The following ARHGEF39 variants were observed in gnomAD, a reference collection of about 807,000 sequenced individuals.
The protein encoded by ARHGEF39 is Rho guanine nucleotide exchange factor 39.
A neutral mutation model predicts 47.5 loss-of-function variants in ARHGEF39; 45 were observed. The observed-to-expected ratio is 0.95, with a 90% confidence interval of 0.75 to 1.22. The LOEUF (loss-of-function observed/expected upper bound fraction) is 1.22. Among genes scored for constraint, ARHGEF39 ranks in the 50% most tolerant of loss-of-function variants. ARHGEF39 has a pLI of 0.00. For missense variants in ARHGEF39, 411 were observed against 425.3 expected, an observed-to-expected ratio of 0.97 and a Z score of 0.30; for synonymous variants, 164 against 167.8, an observed-to-expected ratio of 0.98 and a Z score of 0.17.
rs764221631 is a variant in ARHGEF39, at chr9:35,660,947, C to T, written c.*1040G>A. The T allele has an allele frequency of 6.2e-7, 1 of 1,614,206 alleles. No individual in the cohort carries two copies. The highest frequency in any genetic ancestry group is 1.7e-5 in the Admixed American group (1 of 60,032). ...TGATCTCTCCCCACACAGAGGCCAG[C>T]AGACCTCTTCCTGAGGACTTCTGTT... On this transcript the variant is annotated 3_prime_UTR_variant, in exon 9 of 9. Coordinates refer to ENST00000378387, the MANE Select transcript of ARHGEF39 (RefSeq NM_032818.3).
rs1824038285 is a variant in ARHGEF39 at position 35,662,882 on chromosome 9, T to C, written c.673+64A>G. The C allele has an allele frequency of 5.0e-6, 8 of 1,592,760 alleles. 1 individual carries two copies. The South Asian group carries it at 7.8e-5, about 15-fold the overall frequency. ...GTAAGAAAAGAGCAGCTGGTCGGCA[T>C]TTGGAGTTAGATAAAAATAAAAGAT... On this transcript the variant is annotated intron_variant, in intron 6 of 8. Coordinates refer to ENST00000378387, the MANE Select transcript of ARHGEF39 (RefSeq NM_032818.3).
rs1241196807 is a variant in ARHGEF39 at position 35,661,672 on chromosome 9, CTTAA to C, written c.*311_*314del. The C allele has an allele frequency of 1.4e-5, 6 of 418,886 alleles. No homozygotes were observed. The highest frequency in any genetic ancestry group is 6.1e-4 in the Middle Eastern group (1 of 1,652). The allele number at this position is 418,886 out of a possible 1,614,324, so 25.9% of individuals were successfully genotyped here. ...TGATTCTTCTTTTTTAATAAAATTT[CTTAA>C]TTATTTTTTCTTAAATAGAGACAGG... On this transcript the variant is annotated 3_prime_UTR_variant, in exon 9 of 9. Coordinates refer to ENST00000378387, the MANE Select transcript of ARHGEF39 (RefSeq NM_032818.3).
rs1366825961 is a variant in ARHGEF39 at position 35,664,234 on chromosome 9, ACT to A, written c.355-110_355-109del. ...TCAGTAAGCTGTGCTCCTGAGAGAA[ACT>A]CTCGTTTCTCTACAAGGAACTTACC... On this transcript the variant is annotated intron_variant, in intron 3 of 8. Transcript: ENST00000378387. 4.0e-6 allele frequency: 6 copies of A among 1,512,084 alleles called. No homozygotes were observed. In the East Asian group the frequency reaches 9.1e-5, roughly 23 times the overall value. 93.7% of individuals were successfully genotyped at this position (1,512,084 alleles called of 1,614,324 possible). A position where few individuals can be genotyped will look rare whatever the true frequency, so the allele number is the denominator to read the frequency against.
chr9:35,662,803 G>C, intron 6 of ARHGEF39, 62 bp from the exon 7 acceptor site: 3 of 1,520,824 alleles, frequency 2.0e-6, no homozygotes, highest in East Asian at 2.4e-5. Flanking sequence ...TAAGAGGAAA[G>C]GGAGGCTGAG....
rs79058295 is a variant in ARHGEF39, at chr9:35,661,732, T to C, written c.*255A>G. 1 of 468,514 alleles carries C rather than the reference T, an allele frequency of 2.1e-6. No individual in the cohort carries two copies. The highest frequency in any genetic ancestry group is 2.0e-5 in the African/African-American group (1 of 50,970). The allele number at this position is 468,514 out of a possible 1,614,324, so 29.0% of individuals were successfully genotyped here. A position where few individuals can be genotyped will look rare whatever the true frequency, so the allele number is the denominator to read the frequency against. ...ACTCACTGTGTTGCCCAGGCTGGTC[T>C]TGAACTCCTGGGCTGGAATGATCCT... On this transcript the variant is annotated 3_prime_UTR_variant, in exon 9 of 9. Transcript: ENST00000378387.
Position 35,665,042 on chromosome 9 carries a change from A to G in ARHGEF39, c.128T>C (p.Leu43Pro). The G allele has an allele frequency of 6.4e-7, 1 of 1,561,838 alleles. No homozygotes were observed. The highest frequency in any genetic ancestry group is 8.7e-7 in the Non-Finnish European group (1 of 1,154,684). ...TERRYQEQLG[L>P]VATYFLGILK... ...TGCCAGGTCCCCCACCGTGGCCACCAGCCCCAGCTGTTCTTGGTAGCGCCG... is the reference window on the plus strand; with the variant it reads ...TGCCAGGTCCCCCACCGTGGCCACCGGCCCCAGCTGTTCTTGGTAGCGCCG... The change falls in exon 1 of 9, where the codon CTG becomes CCG. Residue 43 changes from leucine (L) to proline (P), a missense_variant. Transcript: ENST00000378387.
rs1824127547 is a variant in ARHGEF39, at chr9:35,664,399, G to A, written c.327C>T (p.Asn109=). Residue 109 remains asparagine, a synonymous_variant, in exon 3 of 9, where the codon AAC becomes AAT. Transcript: ENST00000378387. ...HLELYNQFAA[N]SERSQTTLQE... ...GCAGGGTGGTCTGGGACCTCTCTGAGTTGGCAGCAAATTGGTTATAGAGCT... is the reference window on the plus strand; with the variant it reads ...GCAGGGTGGTCTGGGACCTCTCTGAATTGGCAGCAAATTGGTTATAGAGCT... 2 of 1,613,050 alleles carry A rather than the reference G, an allele frequency of 1.2e-6. No homozygotes were observed. The highest frequency in any genetic ancestry group is 1.7e-6 in the Non-Finnish European group (2 of 1,179,424).
At chr9:35,664,155 A>G (rs766682661) in intron 3 of ARHGEF39, 29 bp from the exon 4 acceptor site, 1 of 1,600,720 alleles carries the variant, frequency 6.2e-7, no homozygotes, top group Non-Finnish European at 8.6e-7. Context: ...GATTGGAAGC[A>G]GGGAGAGAAG....
Position 35,659,576 on chromosome 9 carries a change from T to C in ARHGEF39, c.*2411A>G, listed in dbSNP as rs1485041666. 6.6e-6 allele frequency: 1 copy of C among 152,196 alleles called. No homozygotes were observed. The highest frequency in any genetic ancestry group is 1.5e-5 in the Non-Finnish European group (1 of 68,044). 9.4% of individuals were successfully genotyped at this position (152,196 alleles called of 1,614,324 possible). ...GCCAATCAGAATGCCCCTGGAGAATTGTATTCTCCTCAGGGCATTGCTTTA... is the reference window on the plus strand; with the variant it reads ...GCCAATCAGAATGCCCCTGGAGAATCGTATTCTCCTCAGGGCATTGCTTTA... On this transcript the variant is annotated 3_prime_UTR_variant, in exon 9 of 9. Transcript: ENST00000378387.
chr9:35,662,811 G>A (rs1273851212), intron 6 of ARHGEF39, 70 bp from the exon 7 acceptor site: 1 of 1,520,144 alleles, frequency 6.6e-7, no homozygotes, highest in Non-Finnish European at 8.9e-7. Context: ...AAGGGAGGCT[G>A]AGAAAATAGG....
In ARHGEF39 at chr9:35,662,600, A is replaced by T. The variant is rs373453056; in HGVS notation, c.815T>A (p.Phe272Tyr). The T allele has an allele frequency of 1.2e-6, 2 of 1,614,196 alleles. No individual in the cohort carries two copies. Among genetic ancestry groups the T allele is most frequent in the Non-Finnish European group, 1.7e-6 (2 of 1,180,042 alleles). Reference sequence around the variant, plus strand: ...CATGGGGTAGAGGGCCTTGCAGGCAAAGGTGCCACTCCGCAGCAGGTGCAG... The same window carrying T: ...CATGGGGTAGAGGGCCTTGCAGGCATAGGTGCCACTCCGCAGCAGGTGCAG... ...PPLHLLRSGTFACKALYPMAQ... is the reference protein window; with the variant it reads ...PPLHLLRSGTYACKALYPMAQ... The change falls in exon 7 of 9, where the codon TTT (phenylalanine) becomes TAT (tyrosine). Residue 272 changes from phenylalanine to tyrosine, a missense_variant. Phe to Tyr is a conservative substitution (Grantham distance 22). Coordinates refer to ENST00000378387, the MANE Select transcript of ARHGEF39 (RefSeq NM_032818.3).
chr9:35,660,766 C>T lies in ARHGEF39; in HGVS notation c.*1221G>A, dbSNP rs895168551. On this transcript the variant is annotated 3_prime_UTR_variant, in exon 9 of 9. Coordinates refer to ENST00000378387, the MANE Select transcript of ARHGEF39 (RefSeq NM_032818.3). Reference sequence around the variant, plus strand: ...TTCAGTGTGACTACTCTGGCTGGAGCCCAGCAGGAGCTTCTGAACATGAAG... The same window carrying T: ...TTCAGTGTGACTACTCTGGCTGGAGTCCAGCAGGAGCTTCTGAACATGAAG... 2.4e-5 allele frequency: 38 copies of T among 1,613,732 alleles called. No homozygotes were observed. The highest frequency in any genetic ancestry group is 3.2e-5 in the Non-Finnish European group (38 of 1,179,832).
rs1824171227 is a variant in ARHGEF39 at position 35,665,162 on chromosome 9, A to G, written c.8T>C (p.Leu3Pro). 1.3e-6 allele frequency: 2 copies of G among 1,510,664 alleles called. No individual in the cohort carries two copies. The highest frequency in any genetic ancestry group is 1.2e-5 in the South Asian group (1 of 80,880). 93.6% of individuals were successfully genotyped at this position (1,510,664 alleles called of 1,614,324 possible). A position where few individuals can be genotyped will look rare whatever the true frequency, so the allele number is the denominator to read the frequency against. ME[L>P]SCPGSRCPVQ... is the part of the protein sequence containing the mutation. The stretch of plus-strand genomic sequence containing the variant: ...CGGGCACCGCGAACCGGGGCAGGAG[A>G]GCTCCATGCCCTGGCTGAGGGATCG... The change falls in exon 1 of 9, where the codon CTC becomes CCC. Residue 3 changes from leucine to proline, a missense_variant. Transcript: ENST00000378387.
At chr9:35,664,629 T>C in intron 2 of ARHGEF39, 127 bp downstream of exon 2, 1 of 1,474,362 alleles carries the variant, frequency 6.8e-7, no homozygotes, top group South Asian at 1.4e-5. Flanking sequence ...GCTAAGGCCC[T>C]GGGCCAAGGC....
At chr9:35,663,862 T>A (rs1221185927) in intron 4 of ARHGEF39, 146 bp downstream of exon 4, 2 of 825,356 alleles carry the variant, frequency 2.4e-6, no homozygotes, top group Non-Finnish European at 4.0e-6. Flanking sequence ...TGGGTTCACA[T>A]TTACTCTTGC....
rs750215637 is a variant in ARHGEF39, at chr9:35,663,046, G to C, written c.573C>G (p.Ala191=). 3.7e-6 allele frequency: 6 copies of C among 1,612,588 alleles called. No homozygotes were observed. The highest frequency in any genetic ancestry group is 5.1e-6 in the Non-Finnish European group (6 of 1,178,828). Residue 191 remains alanine, a synonymous_variant, in exon 6 of 9, where the codon GCC becomes GCG. Transcript: ENST00000378387. The stretch of plus-strand genomic sequence containing the variant: ...TCTGACCAATAGTATGGACTCTCTG[G>C]GCAGTCTCACTTATCAGTCGGGCAG... The part of the protein sequence containing the change: ...TRAARLISET[A]QRVHTIGQKQ...
intron 4 of ARHGEF39, 103 bp downstream of exon 4, chr9:35,663,905 C>G: frequency 1.6e-6 from 2 of 1,255,572 alleles, no homozygotes; most frequent in Non-Finnish European, 2.3e-6. Context: ...GGCTCAGGGT[C>G]GAGGCAAGAG....
Position 35,665,195 on chromosome 9 carries a change from C to A in ARHGEF39, c.-26G>T, listed in dbSNP as rs759993185. 1.9e-5 allele frequency: 28 copies of A among 1,450,272 alleles called. No individual in the cohort carries two copies. Among genetic ancestry groups the A allele is most frequent in the Non-Finnish European group, 2.5e-5 (27 of 1,099,036 alleles). The allele number at this position is 1,450,272 out of a possible 1,614,324, so 89.8% of individuals were successfully genotyped here. On this transcript the variant is annotated 5_prime_UTR_variant, in exon 1 of 9. Coordinates refer to ENST00000378387, the MANE Select transcript of ARHGEF39 (RefSeq NM_032818.3). ...GCCCTGGCTGAGGGATCGACACTTC[C>A]GGCTGCAGTCCGCGGCAGATTCAAA...
At position 35,661,586 on chromosome 9, in the gene ARHGEF39, T is replaced by C. The variant is rs1823952690; in HGVS notation, c.*401A>G. ...CAGCACAGAGCTTATCAGTCCCAAA[T>C]CCCCTCATCTGTGTTAGGGGCTGGT... On this transcript the variant is annotated 3_prime_UTR_variant, in exon 9 of 9. Coordinates refer to ENST00000378387, the MANE Select transcript of ARHGEF39 (RefSeq NM_032818.3). The C allele has an allele frequency of 2.3e-6, 1 of 427,808 alleles. No individual in the cohort carries two copies. The highest frequency in any genetic ancestry group is 4.1e-6 in the Non-Finnish European group (1 of 243,186). The allele number at this position is 427,808 out of a possible 1,614,324, so 26.5% of individuals were successfully genotyped here. A position where few individuals can be genotyped will look rare whatever the true frequency, so the allele number is the denominator to read the frequency against.
Sources: allele counts gnomAD v4.1 joint callset, GRCh38; gene constraint gnomAD v4.1.1; transcripts MANE v1.5; gene names NCBI Gene and HGNC (gene_info 2026-07-23, HGNC 2026-07-21).